Variants in RBFOX2 observed in about 807,000 individuals in gnomAD.
The protein encoded by RBFOX2 is RNA binding fox-1 homolog 2.
RBFOX2 carries 10 observed loss-of-function variants against 49.1 expected under a neutral mutation model. That is an observed-to-expected ratio of 0.20 (90% confidence interval 0.13 to 0.35). RBFOX2 has a LOEUF of 0.35. Ranked by LOEUF, RBFOX2 falls within the 10% of genes least tolerant of loss-of-function variation. The probability of loss-of-function intolerance (pLI) is 1.00; values close to 1 mark genes in which losing one functional copy is unlikely to be tolerated. For missense variants in RBFOX2, 323 were observed against 486.9 expected, an observed-to-expected ratio of 0.66 and a Z score of 3.17; for synonymous variants, 183 against 187.4, an observed-to-expected ratio of 0.98 and a Z score of 0.19.
intron 1 of RBFOX2, among the ~76,000 whole-genome samples, chr22:35,982,781 C>A (rs1312046387): frequency 1.3e-5 from 2 of 151,040 alleles, no homozygotes; most frequent in African/African-American, 4.9e-5. Flanking sequence ...CTCTAACAAG[C>A]TAAGGGTATC....
intron 2 of RBFOX2, among the ~76,000 whole-genome samples, chr22:35,793,771 G>T (rs370729324): frequency 2.0e-5 from 3 of 152,132 alleles, no homozygotes; most frequent in East Asian, 3.9e-4. Flanking sequence ...ATGACAAGCT[G>T]AATTCTGAGA....
At chr22:35,744,035 AG>A in exon 12 of RBFOX2, 1 of 480,906 alleles carries the variant, frequency 2.1e-6, no homozygotes, top group Admixed American at 4.4e-5. Flanking sequence ...ACATATTCAA[AG>A]AACATAGTGA....
chr22:35,815,134 T>C (rs1952781190), intron 1 of RBFOX2, among the ~76,000 whole-genome samples: 1 of 152,198 alleles, frequency 6.6e-6, no homozygotes, highest in South Asian at 2.1e-4. Context: ...GGTCCAACCA[T>C]GTGCCTTCTC....
chr22:35,851,327 T>C (rs1230333992), intron 1 of RBFOX2, among the ~76,000 whole-genome samples: 4 of 152,220 alleles, frequency 2.6e-5, no homozygotes, highest in Admixed American at 6.5e-5. Flanking sequence ...CTATTCAGTA[T>C]AATTAATAAA....
chr22:35,873,006 A>C (rs1362980484), intron 1 of RBFOX2, among the ~76,000 whole-genome samples: 4 of 152,220 alleles, frequency 2.6e-5, no homozygotes, highest in Non-Finnish European at 5.9e-5. Flanking sequence ...TTCAAAAATC[A>C]GTAGCTGATA....
chr22:36,025,092 G>A (rs921576226), intron 1 of RBFOX2, among the ~76,000 whole-genome samples: 1 of 152,202 alleles, frequency 6.6e-6, no homozygotes, highest in Non-Finnish European at 1.5e-5. Flanking sequence ...ACAGGCGTGA[G>A]CCACTGCGCC....
At chr22:35,972,112 C>A (rs1472065002) in intron 1 of RBFOX2, among the ~76,000 whole-genome samples, 1 of 151,976 alleles carries the variant, frequency 6.6e-6, no homozygotes, top group Non-Finnish European at 1.5e-5. Flanking sequence ...AGAGAGCTAG[C>A]ATCCTCCCTA....
chr22:35,836,392 A>G (rs550445453), intron 1 of RBFOX2: 1 of 152,428 alleles, frequency 6.6e-6, no homozygotes, highest in South Asian at 2.1e-4. Flanking sequence ...ACCCAGGAAC[A>G]GAAGAGCGAA....
At chr22:35,742,679 A>G (rs951143595) in exon 12 of RBFOX2, 1 of 152,542 alleles carries the variant, frequency 6.6e-6, no homozygotes, top group Non-Finnish European at 1.5e-5. Context: ...TATCAGTTCT[A>G]TCTAACAGCT....
chr22:35,903,928 C>G (rs563473434), intron 1 of RBFOX2, among the ~76,000 whole-genome samples: 2 of 145,564 alleles, frequency 1.4e-5, no homozygotes, highest in Admixed American at 6.6e-5. Context: ...CCTACTTCCA[C>G]GGCATCACAT....
intron 1 of RBFOX2, among the ~76,000 whole-genome samples, chr22:35,838,486 T>G (rs770343817): frequency 2.6e-5 from 4 of 152,268 alleles, no homozygotes; most frequent in Non-Finnish European, 5.9e-5. Context: ...TTCTAGACAG[T>G]AGCATGCAGT....
At chr22:35,933,652 C>CAA (rs2052676316) in intron 1 of RBFOX2, among the ~76,000 whole-genome samples, 1 of 152,122 alleles carries the variant, frequency 6.6e-6, no homozygotes, top group Admixed American at 6.5e-5. Flanking sequence ...ATTGATGAAA[C>CAA]AAAAGTAAGT....
chr22:35,883,383 A>G (rs1183287872), intron 1 of RBFOX2, among the ~76,000 whole-genome samples: 2 of 152,234 alleles, frequency 1.3e-5, no homozygotes, highest in African/African-American at 2.4e-5. Context: ...AAAGGCTAGA[A>G]GCCCTATTGT....
intron 5 of RBFOX2, among the ~76,000 whole-genome samples, chr22:35,767,502 T>C (rs1941361193): frequency 6.6e-6 from 1 of 152,060 alleles, no homozygotes; most frequent in South Asian, 2.1e-4. Flanking sequence ...CTCAAAATGG[T>C]GGCTTTTACA....
At position 35,889,461 on chromosome 22, in the gene RBFOX2, T is replaced by C. The variant is rs1401977257; in HGVS notation, c.-34+49386A>G. The stretch of plus-strand genomic sequence containing the variant: ...GGTCCTCTTCTAAATTATAACATCC[T>C]GTCAATTTTACCTTCTGAATCTCTC... On this transcript the variant is annotated intron_variant, in intron 1 of 13. Coordinates refer to the RBFOX2 transcript ENST00000359369. Among the ~76,000 whole-genome samples the C allele has an allele frequency of 2.6e-5, 4 of 152,152 alleles. No homozygotes were observed. In the East Asian group the frequency reaches 7.7e-4, roughly 29 times the overall value.
At chr22:35,877,075 A>G (rs554972246) in intron 1 of RBFOX2, among the ~76,000 whole-genome samples, 2 of 152,278 alleles carry the variant, frequency 1.3e-5, no homozygotes, top group Admixed American at 1.3e-4. Context: ...TTTTTAAAAA[A>G]TAATTTCAAT....
At chr22:35,975,287 G>GTTT (rs1448621346) in intron 1 of RBFOX2, among the ~76,000 whole-genome samples, 2 of 151,886 alleles carry the variant, frequency 1.3e-5, no homozygotes, top group African/African-American at 4.8e-5. Flanking sequence ...AATTAGCACT[G>GTTT]GTAAAAGGAA....
intron 2 of RBFOX2, among the ~76,000 whole-genome samples, chr22:35,807,413 G>C (rs1302762725): frequency 6.6e-6 from 1 of 151,610 alleles, no homozygotes; most frequent in Middle Eastern, 3.2e-3. Flanking sequence ...AAGCGCCAAA[G>C]AAATTAAATT....
intron 1 of RBFOX2, among the ~76,000 whole-genome samples, chr22:35,829,113 C>T (rs1956337265): frequency 6.6e-6 from 1 of 152,060 alleles, no homozygotes; most frequent in Non-Finnish European, 1.5e-5. Context: ...CAAACTTTTT[C>T]TAAGAAACGC....
Sources: gnomAD v4.1 joint callset for allele counts (sites outside exome capture counted in the v4.1 genomes callset) on GRCh38, gnomAD v4.1.1 for gene constraint, MANE v1.5 for transcripts, NCBI Gene and HGNC (gene_info 2026-07-23, HGNC 2026-07-21) for gene names.